NLGN4X: variants seen among roughly 807,000 people sequenced by gnomAD.
The protein encoded by NLGN4X is neuroligin 4 X-linked, also known as neuroligin-4, X-linked.
In NLGN4X, 3 loss-of-function variants were observed where a neutral mutation model predicts 40.3. The ratio of observed to expected loss-of-function variants is 0.07; its 90% CI spans 0.03 to 0.19. The LOEUF (loss-of-function observed/expected upper bound fraction) is 0.19, where lower values mean the gene tolerates loss of function less well. NLGN4X is among the 10% of genes least tolerant of loss of function. The pLI, the probability that NLGN4X is intolerant of heterozygous loss-of-function variation, is 1.00. For synonymous variants in NLGN4X, 270 were observed against 306.8 expected (o/e 0.88, Z 1.25); for missense variants, 382 against 708.3 (o/e 0.54, Z 5.23).
intron 3 of NLGN4X, among the ~76,000 whole-genome samples, chrX:5,968,917 A>G (rs1601968876): frequency 9.0e-6 from 1 of 111,301 alleles, no homozygotes; most frequent in Non-Finnish European, 1.9e-5. Context: ...AATGATTCAG[A>G]AAAAAACTAT....
In NLGN4X at chrX:5,890,538, G is replaced by A. The variant is rs978057968; in HGVS notation, c.*2279C>T. The A allele has an allele frequency of 1.2e-4, 37 of 318,050 alleles. No individual in the cohort carries two copies. Among genetic ancestry groups the A allele is most frequent in the Non-Finnish European group, 2.0e-4 (34 of 166,548 alleles). 26.2% of individuals were successfully genotyped at this position (318,050 alleles called of 1,213,427 possible). On this transcript the variant is annotated 3_prime_UTR_variant, in exon 6 of 6. Coordinates refer to ENST00000381095, the MANE Select transcript of NLGN4X (RefSeq NM_181332.3). Reference sequence around the variant, plus strand: ...ACTGGAATTCACATTACAGACAGACGAAACCAACATGGATGCCACACATAA... The same window carrying A: ...ACTGGAATTCACATTACAGACAGACAAAACCAACATGGATGCCACACATAA...
At chrX:5,970,591 C>T (rs2034995324) in intron 3 of NLGN4X, among the ~76,000 whole-genome samples, 1 of 111,535 alleles carries the variant, frequency 9.0e-6, no homozygotes, top group South Asian at 3.8e-4. Flanking sequence ...ACTTTCATCC[C>T]TACCTCAAGA....
At chrX:5,904,443 T>C (rs148155110) in intron 4 of NLGN4X, among the ~76,000 whole-genome samples, 7 of 112,261 alleles carry the variant, frequency 6.2e-5, no homozygotes, top group African/African-American at 2.3e-4. Context: ...AATAAATACA[T>C]TCAGCTAGCT....
intron 1 of NLGN4X, among the ~76,000 whole-genome samples, chrX:6,222,536 A>G (rs1483252086): frequency 8.9e-6 from 1 of 112,627 alleles, no homozygotes; most frequent in Non-Finnish European, 1.9e-5. Flanking sequence ...TTAGCACTAT[A>G]CTGAAATTAA....
rs754969736 is a variant in NLGN4X, at chrX:6,188,395, A to T, written c.-305-36624T>A. 3.6e-5 allele frequency among the ~76,000 whole-genome samples: 4 copies of T among 112,079 alleles called. No individual in the cohort carries two copies. The Admixed American group carries it at 3.8e-4, about 11-fold the overall frequency. ...TCTTCAATTGATGAGCTTTCATCCCACTTTCTAAGTGGAAGGAGCATATCA... is the reference window on the plus strand; with the variant it reads ...TCTTCAATTGATGAGCTTTCATCCCTCTTTCTAAGTGGAAGGAGCATATCA... On this transcript the variant is annotated intron_variant, in intron 1 of 5. Coordinates refer to ENST00000381095, the MANE Select transcript of NLGN4X (RefSeq NM_181332.3).
At chrX:6,081,704 A>T (rs902307692) in intron 2 of NLGN4X, among the ~76,000 whole-genome samples, 4 of 112,488 alleles carry the variant, frequency 3.6e-5, no homozygotes, top group Admixed American at 2.8e-4. Flanking sequence ...CCTGCAGGGC[A>T]TGACACCCTC....
chrX:6,102,659 C>G (rs1030398693), intron 2 of NLGN4X, among the ~76,000 whole-genome samples: 5 of 109,763 alleles, frequency 4.6e-5, no homozygotes, highest in Admixed American at 9.7e-5. Flanking sequence ...TACATACATA[C>G]ATACATACAT....
intron 5 of NLGN4X, among the ~76,000 whole-genome samples, chrX:5,899,745 A>G (rs2031740097): frequency 9.5e-6 from 1 of 104,961 alleles, no homozygotes; most frequent in Non-Finnish European, 1.9e-5. Context: ...TCAGTCTCAT[A>G]GCCTTTGGAA....
intron 1 of NLGN4X, among the ~76,000 whole-genome samples, chrX:6,180,248 T>C (rs144382093): frequency 5.4e-5 from 6 of 111,755 alleles, no homozygotes; most frequent in East Asian, 2.8e-4. Flanking sequence ...TGTCGAACTG[T>C]AATTCCCAGT....
At chrX:5,951,177 G>A (rs938852327) in intron 3 of NLGN4X, among the ~76,000 whole-genome samples, 19 of 111,295 alleles carry the variant, frequency 1.7e-4, no homozygotes, top group African/African-American at 5.6e-4. Flanking sequence ...AAATTCTCAG[G>A]CACAAGAAAT....
intron 3 of NLGN4X, among the ~76,000 whole-genome samples, chrX:6,022,433 A>G (rs2036581673): frequency 8.9e-6 from 1 of 112,638 alleles, no homozygotes; most frequent in Admixed American, 9.4e-5. Flanking sequence ...GTTAGAAAAA[A>G]AGAAATAAAA....
At chrX:6,127,307 AAATCATTGGGAAAG>A in intron 2 of NLGN4X, among the ~76,000 whole-genome samples, 1 of 112,406 alleles carries the variant, frequency 8.9e-6, no homozygotes, top group Middle Eastern at 4.6e-3. Context: ...CTGACACCAC[AAATCATTGGGAAAG>A]AATACATTGT....
At chrX:5,904,233 C>T (rs2032060224) in intron 4 of NLGN4X, among the ~76,000 whole-genome samples, 2 of 111,121 alleles carry the variant, frequency 1.8e-5, no homozygotes, top group African/African-American at 3.3e-5. Context: ...CCAAGAGCAA[C>T]TGCATTCCCC....
intron 3 of NLGN4X, among the ~76,000 whole-genome samples, chrX:5,950,585 C>T (rs565079434): frequency 3.6e-5 from 4 of 111,812 alleles, no homozygotes; most frequent in African/African-American, 1.3e-4. Flanking sequence ...TAATATGTGT[C>T]ATATAATAGT....
At chrX:6,210,242 T>TTGTGTG (rs748017875) in intron 1 of NLGN4X, among the ~76,000 whole-genome samples, 124 of 94,091 alleles carry the variant, frequency 1.3e-3, no homozygotes, top group Admixed American at 4.3e-3. Context: ...GTGCGCCCGT[T>TTGTGTG]TGTGTGTGTG....
chrX:6,164,284 C>G (rs1259844698), intron 1 of NLGN4X, among the ~76,000 whole-genome samples: 1 of 112,556 alleles, frequency 8.9e-6, no homozygotes, highest in Non-Finnish European at 1.9e-5. Flanking sequence ...CACTTTTAAC[C>G]TCATTTCCTT....
intron 1 of NLGN4X, among the ~76,000 whole-genome samples, chrX:6,180,456 CT>C (rs1921315308): frequency 9.0e-6 from 1 of 111,314 alleles, no homozygotes; most frequent in Admixed American, 9.6e-5. Flanking sequence ...CCCCCTTTAC[CT>C]TCCGCCAAGA....
intron 3 of NLGN4X, among the ~76,000 whole-genome samples, chrX:6,002,152 G>A (rs1244386778): frequency 8.9e-6 from 1 of 111,856 alleles, no homozygotes; most frequent in Non-Finnish European, 1.9e-5. Context: ...CTGTGTGCAT[G>A]TTGTTTGTGC....
intron 2 of NLGN4X, among the ~76,000 whole-genome samples, chrX:6,113,063 G>A (rs2039190207): frequency 9.1e-6 from 1 of 110,437 alleles, no homozygotes; most frequent in African/African-American, 3.3e-5. Context: ...AAACTGTTAA[G>A]GTCATGAAAG....
Sources: gnomAD v4.1 joint callset for allele counts (sites outside exome capture counted in the v4.1 genomes callset) on GRCh38, gnomAD v4.1.1 for gene constraint, MANE v1.5 for transcripts, NCBI Gene and HGNC (gene_info 2026-07-23, HGNC 2026-07-21) for gene names.